ADIPOR2: variants seen among roughly 807,000 people sequenced by gnomAD.
ADIPOR2 encodes the protein adiponectin receptor protein 2.
In ADIPOR2, 18 loss-of-function variants were observed where a neutral mutation model predicts 40.9. That is an observed-to-expected ratio of 0.44 (90% CI 0.30 to 0.65). The LOEUF is 0.65. Among genes scored for constraint, ADIPOR2 ranks in the 30% least tolerant of loss-of-function variants. The pLI is 0.09. For synonymous variants in ADIPOR2, 165 were observed against 166.4 expected (o/e 0.99, Z 0.06); for missense variants, 283 against 479.2 (o/e 0.59, Z 3.82).
intron 1 of ADIPOR2, among the ~76,000 whole-genome samples, chr12:1,751,432 C>T (rs1252448089): frequency 1.3e-5 from 2 of 152,098 alleles, no homozygotes; most frequent in Non-Finnish European, 2.9e-5. Context: ...TATTGGGGAA[C>T]TCTTATTTGT....
chr12:1,745,300 T>C (rs1485441920), intron 1 of ADIPOR2, among the ~76,000 whole-genome samples: 1 of 152,238 alleles, frequency 6.6e-6, no homozygotes, highest in Non-Finnish European at 1.5e-5. Context: ...TTAAAATTTT[T>C]CAAAGAAATT....
intron 1 of ADIPOR2, among the ~76,000 whole-genome samples, chr12:1,702,223 C>G (rs2094651812): frequency 6.6e-6 from 1 of 152,184 alleles, no homozygotes; most frequent in South Asian, 2.1e-4. Context: ...GTATTGCAAA[C>G]AATAAGGATA....
At chr12:1,737,554 A>C (rs1413586583) in intron 1 of ADIPOR2, among the ~76,000 whole-genome samples, 1 of 152,094 alleles carries the variant, frequency 6.6e-6, no homozygotes, top group Non-Finnish European at 1.5e-5. Flanking sequence ...GTTGTTTGCT[A>C]ATCTTCCTGT....
At chr12:1,765,456 A>G (rs1014130725) in intron 2 of ADIPOR2, among the ~76,000 whole-genome samples, 1 of 152,180 alleles carries the variant, frequency 6.6e-6, no homozygotes, top group East Asian at 1.9e-4. Context: ...CACTTAATAA[A>G]ATGGGAATAG....
At chr12:1,732,637 G>A (rs766161592) in intron 1 of ADIPOR2, among the ~76,000 whole-genome samples, 2 of 152,130 alleles carry the variant, frequency 1.3e-5, no homozygotes, top group Admixed American at 6.5e-5. Flanking sequence ...GCAAGTTTTT[G>A]TGTGCACATA....
chr12:1,771,222 G>A (rs1210688528), intron 2 of ADIPOR2, among the ~76,000 whole-genome samples: 1 of 152,124 alleles, frequency 6.6e-6, no homozygotes, highest in Admixed American at 6.5e-5. Flanking sequence ...ACACACACGT[G>A]CGCACAGTGG....
chr12:1,772,730 A>C, intron 2 of ADIPOR2, 112 bp from the exon 3 acceptor site: 1 of 1,331,092 alleles, frequency 7.5e-7, no homozygotes. Flanking sequence ...TTCTTGTCTA[A>C]GGCCTTGTTT....
chr12:1,748,108 C>T (rs558592729), intron 1 of ADIPOR2, among the ~76,000 whole-genome samples: 40 of 152,110 alleles, frequency 2.6e-4, no homozygotes, highest in East Asian at 1.4e-3. Flanking sequence ...TGTTGAGCCC[C>T]CCCACCCTTT....
chr12:1,706,853 A>G (rs2094664224), intron 1 of ADIPOR2, among the ~76,000 whole-genome samples: 2 of 152,250 alleles, frequency 1.3e-5, no homozygotes, highest in South Asian at 2.1e-4. Flanking sequence ...GGGCTGGGCA[A>G]GGTGGCTCAT....
At chr12:1,763,083 C>T (rs1349578744) in intron 2 of ADIPOR2, among the ~76,000 whole-genome samples, 2 of 152,198 alleles carry the variant, frequency 1.3e-5, no homozygotes, top group African/African-American at 4.8e-5. Context: ...TTTACCTGTG[C>T]ATAGGAATCC....
intron 2 of ADIPOR2, among the ~76,000 whole-genome samples, chr12:1,762,780 G>C (rs1197294180): frequency 6.6e-6 from 1 of 152,198 alleles, no homozygotes; most frequent in African/African-American, 2.4e-5. Context: ...TGAGGAAACT[G>C]AGGTTTCATG....
chr12:1,783,156 TAGGTGATGCC>T lies in ADIPOR2; in HGVS notation c.839-715_839-706del, dbSNP rs781340764. Among the ~76,000 whole-genome samples, 7 of 151,562 alleles carry T rather than the reference TAGGTGATGCC, an allele frequency of 4.6e-5. No homozygotes were observed. In the East Asian group the frequency reaches 1.4e-3, roughly 30 times the overall value. On this transcript the variant is annotated intron_variant, in intron 6 of 7. Coordinates refer to ENST00000357103, the MANE Select transcript of ADIPOR2 (RefSeq NM_024551.3). ...CCCAGCCTTAGATTCCTATTAAAAA[TAGGTGATGCC>T]AGGTGATGTGATCATTCATCGCCTC...
chr12:1,757,068 A>T (rs901051862), intron 2 of ADIPOR2, among the ~76,000 whole-genome samples: 1 of 152,214 alleles, frequency 6.6e-6, no homozygotes, highest in Non-Finnish European at 1.5e-5. Flanking sequence ...TTTCTTAACT[A>T]TTTTTAAAAC....
chr12:1,725,190 T>C (rs1289484594), intron 1 of ADIPOR2, among the ~76,000 whole-genome samples: 1 of 151,868 alleles, frequency 6.6e-6, no homozygotes, highest in Non-Finnish European at 1.5e-5. Context: ...GGCGCGATCT[T>C]GGCTCACTGC....
chr12:1,750,881 A>G (rs2094767701), intron 1 of ADIPOR2, among the ~76,000 whole-genome samples: 1 of 152,052 alleles, frequency 6.6e-6, no homozygotes, highest in African/African-American at 2.4e-5. Context: ...TAATCTGCAA[A>G]TAGTTACAGT....
At chr12:1,719,962 C>G (rs941756782) in intron 1 of ADIPOR2, among the ~76,000 whole-genome samples, 3 of 152,128 alleles carry the variant, frequency 2.0e-5, no homozygotes, top group Non-Finnish European at 1.5e-5. Context: ...CAGGCTTGAG[C>G]CACCGTGTCT....
intron 1 of ADIPOR2, among the ~76,000 whole-genome samples, chr12:1,706,684 A>C (rs2154441606): frequency 6.6e-6 from 1 of 152,354 alleles, no homozygotes; most frequent in East Asian, 1.9e-4. Flanking sequence ...ATACCCACCC[A>C]GATAACCATC....
chr12:1,729,893 C>G (rs1425225729), intron 1 of ADIPOR2, among the ~76,000 whole-genome samples: 1 of 152,002 alleles, frequency 6.6e-6, no homozygotes, highest in Non-Finnish European at 1.5e-5. Flanking sequence ...GTTGCTTGAA[C>G]AAATTAATGA....
At chr12:1,730,194 A>C (rs1417495830) in intron 1 of ADIPOR2, among the ~76,000 whole-genome samples, 1 of 150,856 alleles carries the variant, frequency 6.6e-6, no homozygotes, top group Admixed American at 6.6e-5. Flanking sequence ...GACCTCACAT[A>C]ATTATAATCA....
Sources: gnomAD v4.1 joint callset for allele counts (sites outside exome capture counted in the v4.1 genomes callset) on GRCh38, gnomAD v4.1.1 for gene constraint, MANE v1.5 for transcripts, NCBI Gene and HGNC (gene_info 2026-07-23, HGNC 2026-07-21) for gene names.